PCDH11X: variants seen among roughly 807,000 people sequenced by gnomAD.
PCDH11X encodes protocadherin-11 X-linked.
A neutral mutation model predicts 53.3 loss-of-function variants in PCDH11X; 18 were observed. The observed-to-expected ratio is 0.34, with a 90% CI of 0.23 to 0.50. PCDH11X has a LOEUF of 0.50. Among genes scored for constraint, PCDH11X ranks in the 20% least tolerant of loss-of-function variants. The pLI, the probability that PCDH11X is intolerant of heterozygous loss-of-function variation, is 0.98. For missense variants in PCDH11X, 570 were observed against 1,032.4 expected, an observed-to-expected ratio of 0.55 and a Z score of 6.14; for synonymous variants, 279 against 393.3, an observed-to-expected ratio of 0.71 and a Z score of 3.44.
intron 6 of PCDH11X, among the ~76,000 whole-genome samples, chrX:92,016,163 A>G (rs751204116): frequency 8.9e-6 from 1 of 112,882 alleles, no homozygotes; most frequent in East Asian, 2.8e-4. Context: ...TATTTAATAC[A>G]CCATGCTGTA....
chrX:92,329,518 C>T (rs768481567), intron 8 of PCDH11X, among the ~76,000 whole-genome samples: 4 of 111,869 alleles, frequency 3.6e-5, no homozygotes, highest in African/African-American at 1.3e-4. Flanking sequence ...AAAAAGATGT[C>T]TGTACTCCCA....
chrX:91,950,577 A>G (rs1197343867), intron 6 of PCDH11X, among the ~76,000 whole-genome samples: 4 of 99,561 alleles, frequency 4.0e-5, no homozygotes, highest in East Asian at 3.2e-4. Flanking sequence ...ATTGATATAT[A>G]TATATAAATG....
chrX:91,816,686 A>G (rs1936462760), intron 4 of PCDH11X, among the ~76,000 whole-genome samples: 1 of 111,502 alleles, frequency 9.0e-6, no homozygotes, highest in African/African-American at 3.3e-5. Flanking sequence ...TGCTCTGAGC[A>G]TATATTTAAG....
chrX:92,112,765 C>G (rs1394483234), intron 6 of PCDH11X, among the ~76,000 whole-genome samples: 1 of 108,230 alleles, frequency 9.2e-6, no homozygotes, highest in East Asian at 2.9e-4. Flanking sequence ...ATCATGGCAC[C>G]TGAGTCCTAA....
chrX:91,971,904 C>T (rs962674197), intron 6 of PCDH11X, among the ~76,000 whole-genome samples: 5 of 111,014 alleles, frequency 4.5e-5, no homozygotes, highest in African/African-American at 1.6e-4. Flanking sequence ...ATGGTGGTTG[C>T]CAGCATTTGA....
intron 7 of PCDH11X, among the ~76,000 whole-genome samples, chrX:92,258,989 A>G (rs1287270128): frequency 9.0e-6 from 1 of 110,979 alleles, no homozygotes. Context: ...GCTAGTGCAT[A>G]ATAAAGGTAA....
chrX:91,787,998 A>G (rs1052872343), intron 1 of PCDH11X, among the ~76,000 whole-genome samples: 1 of 111,754 alleles, frequency 8.9e-6, no homozygotes, highest in African/African-American at 3.3e-5. Context: ...CCTTCATTTT[A>G]CAGATAAGAA....
chrX:92,572,833 G>A (rs62598739), intron 10 of PCDH11X, among the ~76,000 whole-genome samples: 14,434 of 96,543 alleles, frequency 0.15, 1,873 homozygotes, highest in Non-Finnish European at 0.24. Flanking sequence ...TCAATGAGCC[G>A]AGATCACGGC....
At chrX:91,866,006 C>G (rs1367371480) in intron 5 of PCDH11X, among the ~76,000 whole-genome samples, 2 of 109,045 alleles carry the variant, frequency 1.8e-5, no homozygotes, top group African/African-American at 6.7e-5. Context: ...TGTTGCCATG[C>G]TGGTACCTGA....
At chrX:92,436,973 T>TAA (rs71815223) in intron 9 of PCDH11X, among the ~76,000 whole-genome samples, 1 of 84,647 alleles carries the variant, frequency 1.2e-5, no homozygotes, top group Non-Finnish European at 2.4e-5. Flanking sequence ...AAATAAAAGG[T>TAA]AAAAAAAAAA....
intron 8 of PCDH11X, among the ~76,000 whole-genome samples, chrX:92,275,731 T>G (rs895475696): frequency 9.9e-5 from 11 of 111,419 alleles, no homozygotes; most frequent in Non-Finnish European, 1.9e-4. Flanking sequence ...AAGGAGAGTT[T>G]ATAGGTTTTA....
intron 6 of PCDH11X, among the ~76,000 whole-genome samples, chrX:92,094,564 A>G (rs2064104471): frequency 9.0e-6 from 1 of 111,276 alleles, no homozygotes; most frequent in African/African-American, 3.3e-5. Context: ...AGGGTGTAGA[A>G]AAATATCTTA....
chrX:92,069,451 G>T (rs1246320346), intron 6 of PCDH11X, among the ~76,000 whole-genome samples: 3 of 110,276 alleles, frequency 2.7e-5, no homozygotes, highest in Admixed American at 9.7e-5. Flanking sequence ...TGATTAGAGA[G>T]TTTATTTTAT....
chrX:92,061,172 G>A (rs146291232), intron 6 of PCDH11X, among the ~76,000 whole-genome samples: 3,840 of 110,580 alleles, frequency 0.035, 56 homozygotes, highest in African/African-American at 0.04. Flanking sequence ...CTTTTTAATG[G>A]GATTGTTTGA....
chrX:92,546,807 T>C (rs1322106646), intron 10 of PCDH11X, among the ~76,000 whole-genome samples: 1 of 111,880 alleles, frequency 8.9e-6, no homozygotes, highest in Non-Finnish European at 1.9e-5. Flanking sequence ...ACTTAAAAAA[T>C]AGTATATCTG....
At chrX:92,510,951 C>A (rs1368272105) in intron 10 of PCDH11X, among the ~76,000 whole-genome samples, 4 of 111,224 alleles carry the variant, frequency 3.6e-5, no homozygotes, top group African/African-American at 6.5e-5. Context: ...TTAGCAATAC[C>A]TTTTAAAGTT....
rs1939680932 is a variant in PCDH11X, at chrX:91,877,592, T to C, written c.1352T>C (p.Met451Thr). Residue 451 changes from methionine (M) to threonine (T), a missense_variant, in exon 6 of 11, where the codon ATG becomes ACG. Met to Thr is a moderately conservative substitution (Grantham distance 81). Coordinates refer to ENST00000682573, the MANE Select transcript of PCDH11X (RefSeq NM_032968.5). ...AGKPPLNQSA[M>T]LFIKVKDEND... is the part of the protein sequence containing the mutation. Reference sequence around the variant, plus strand: ...AAACCTCCTTTGAATCAGTCAGCAATGCTCTTCATCAAAGTGAAAGATGAA... The same window carrying C: ...AAACCTCCTTTGAATCAGTCAGCAACGCTCTTCATCAAAGTGAAAGATGAA... 8.3e-7 allele frequency: 1 copy of C among 1,207,900 alleles called. No individual in the cohort carries two copies. Among genetic ancestry groups the C allele is most frequent in the South Asian group, 1.8e-5 (1 of 56,678 alleles).
At chrX:92,030,050 C>G (rs1186681328) in intron 6 of PCDH11X, among the ~76,000 whole-genome samples, 1 of 112,026 alleles carries the variant, frequency 8.9e-6, no homozygotes, top group Non-Finnish European at 1.9e-5. Context: ...ACAACCTCCA[C>G]CTCCCAGGTT....
intron 6 of PCDH11X, among the ~76,000 whole-genome samples, chrX:92,034,611 A>G (rs1220891226): frequency 9.2e-6 from 1 of 108,654 alleles, no homozygotes; most frequent in Non-Finnish European, 1.9e-5. Context: ...TTCATTTTGT[A>G]AATTTTCAGT....
Sources: gnomAD v4.1 joint callset for allele counts (sites outside exome capture counted in the v4.1 genomes callset) on GRCh38, gnomAD v4.1.1 for gene constraint, MANE v1.5 for transcripts, NCBI Gene and HGNC (gene_info 2026-07-23, HGNC 2026-07-21) for gene names.